Variants in CAMK2G observed in about 807,000 individuals in gnomAD.
CAMK2G encodes calcium/calmodulin-dependent protein kinase type II subunit gamma.
A neutral mutation model predicts 88.7 loss-of-function variants in CAMK2G; 23 were observed. The ratio of observed to expected loss-of-function variants is 0.26; its 90% CI spans 0.19 to 0.37. The LOEUF (loss-of-function observed/expected upper bound fraction) is 0.37. CAMK2G is among the 10% of genes least tolerant of loss of function. CAMK2G has a pLI of 1.00. For synonymous variants in CAMK2G, 263 were observed against 294.8 expected, an observed-to-expected ratio of 0.89 and a Z score of 1.11; for missense variants, 476 against 780.8, an observed-to-expected ratio of 0.61 and a Z score of 4.65.
chr10:73,820,408 T>C (rs1288597962), intron 18 of CAMK2G, among the ~76,000 whole-genome samples: 1 of 148,894 alleles, frequency 6.7e-6, no homozygotes, highest in African/African-American at 2.5e-5. Flanking sequence ...GCCAAAATCT[T>C]AGGACTAGAG....
At chr10:73,818,572 C>G in intron 19 of CAMK2G, 1 of 405,232 alleles carries the variant, frequency 2.5e-6, no homozygotes, top group East Asian at 7.1e-5. Flanking sequence ...CCCAGCCGGG[C>G]CAGCACAGCC....
intron 15 of CAMK2G, among the ~76,000 whole-genome samples, chr10:73,827,130 T>C (rs1279413488): frequency 6.6e-6 from 1 of 152,214 alleles, no homozygotes; most frequent in African/African-American, 2.4e-5. Context: ...GGGCAAGGAC[T>C]CCAGGGTGCC....
intron 14 of CAMK2G, 86 bp from the exon 15 acceptor site, chr10:73,828,207 G>A (rs746243430): frequency 9.1e-7 from 1 of 1,101,632 alleles, no homozygotes; most frequent in Non-Finnish European, 1.4e-6. Context: ...TAGCGCACCA[G>A]TGTGGGCTCT....
chr10:73,845,406 C>T (rs1480645688), intron 10 of CAMK2G, among the ~76,000 whole-genome samples: 1 of 151,922 alleles, frequency 6.6e-6, no homozygotes, highest in Non-Finnish European at 1.5e-5. Context: ...CACGGTGAAA[C>T]CCCATCTCTA....
At chr10:73,816,792 C>G in intron 21 of CAMK2G, 1 of 1,500,384 alleles carries the variant, frequency 6.7e-7, no homozygotes, top group Non-Finnish European at 8.9e-7. Flanking sequence ...GTGACTGGCA[C>G]TGCCACAAAG....
At position 73,819,542 on chromosome 10, in the gene CAMK2G, G is replaced by A; in HGVS notation, c.1353C>T (p.Cys451=). ...CTCCCTCACACTTACTGGCTGAGGAGCAGAGAGAAGGCTGGGGCTGCATGC... is the reference window on the plus strand; with the variant it reads ...CTCCCTCACACTTACTGGCTGAGGAACAGAGAGAAGGCTGGGGCTGCATGC... ...SAGMQPQPSL[C]SSAMRKQEII... The change falls in exon 19 of 23, where the codon TGC becomes TGT. Residue 451 remains cysteine (C), a synonymous_variant. Transcript: ENST00000423381. 6.5e-7 allele frequency: 1 copy of A among 1,548,464 alleles called. No individual in the cohort carries two copies. Among genetic ancestry groups the A allele is most frequent in the Non-Finnish European group, 8.7e-7 (1 of 1,145,570 alleles).
chr10:73,834,391 A>C (rs1156548778), intron 14 of CAMK2G, among the ~76,000 whole-genome samples: 1 of 152,210 alleles, frequency 6.6e-6, no homozygotes, highest in African/African-American at 2.4e-5. Flanking sequence ...TGTGGCATAA[A>C]ACTCATTTAC....
rs534965010 is a variant in CAMK2G, at chr10:73,842,415, G to A, written c.903+43C>T. The A allele has an allele frequency of 3.1e-5, 44 of 1,426,708 alleles. No homozygotes were observed. In the South Asian group the frequency reaches 4.6e-4, roughly 15 times the overall value. 88.4% of individuals were successfully genotyped at this position (1,426,708 alleles called of 1,614,324 possible). ...TGGGGCAGGAGCCACACTGGTGCAA[G>A]GCATGATGTCAAGGAGGCTGGCAGC... On this transcript the variant is annotated intron_variant, in intron 11 of 22. Coordinates refer to ENST00000423381, the MANE Select transcript of CAMK2G (RefSeq NM_001367534.1). The surrounding 1 kb of genome is among the most constrained non-coding windows in gnomAD (Gnocchi z 4.6).
At chr10:73,825,882 G>A (rs1028733508) in intron 15 of CAMK2G, among the ~76,000 whole-genome samples, 3 of 152,226 alleles carry the variant, frequency 2.0e-5, no homozygotes, top group Admixed American at 6.5e-5. Flanking sequence ...GAGGATGGGG[G>A]TGGAAGTCCC....
intron 1 of CAMK2G, among the ~76,000 whole-genome samples, chr10:73,874,031 A>C (rs979900084): frequency 7.5e-6 from 1 of 133,432 alleles, no homozygotes; most frequent in Non-Finnish European, 1.6e-5. Flanking sequence ...CCTGAGTGCG[A>C]GGCGCGTGGG....
chr10:73,859,684 T>C (rs967418147), intron 3 of CAMK2G, among the ~76,000 whole-genome samples: 1 of 152,190 alleles, frequency 6.6e-6, no homozygotes, highest in Non-Finnish European at 1.5e-5. Context: ...GCCACACCAA[T>C]CTGCTTCGGG....
chr10:73,838,898 C>T (rs1332785412), intron 13 of CAMK2G, among the ~76,000 whole-genome samples: 1 of 152,202 alleles, frequency 6.6e-6, no homozygotes, highest in South Asian at 2.1e-4. Flanking sequence ...TACGAGCTCC[C>T]AGGTAACAGC....
intron 18 of CAMK2G, 23 bp downstream of exon 18, chr10:73,821,659 C>T (rs2088829772): frequency 6.3e-7 from 1 of 1,596,332 alleles, no homozygotes; most frequent in African/African-American, 1.3e-5. Flanking sequence ...GGAGTCCTTC[C>T]CCCTCCAAGG....
intron 15 of CAMK2G, among the ~76,000 whole-genome samples, chr10:73,827,714 A>G (rs1237475215): frequency 6.6e-6 from 1 of 152,196 alleles, no homozygotes; most frequent in Non-Finnish European, 1.5e-5. Flanking sequence ...GTTGCCCTCC[A>G]GCTGCCAGTC....
intron 2 of CAMK2G, among the ~76,000 whole-genome samples, chr10:73,868,035 C>G (rs919217074): frequency 2.6e-5 from 4 of 152,198 alleles, no homozygotes; most frequent in African/African-American, 9.7e-5. Context: ...TCAAGAGGTG[C>G]AAAGTGCCCA....
chr10:73,847,893 G>C, intron 9 of CAMK2G, 95 bp downstream of exon 9: 1 of 751,618 alleles, frequency 1.3e-6, no homozygotes. Flanking sequence ...CCCGTATCAC[G>C]TGACACACTA....
At chr10:73,835,327 A>T (rs2093065099) in intron 14 of CAMK2G, among the ~76,000 whole-genome samples, 1 of 149,186 alleles carries the variant, frequency 6.7e-6, no homozygotes, top group South Asian at 2.1e-4. Context: ...GCAGGGTTTC[A>T]CTGTCACCCA....
chr10:73,849,278 C>T lies in CAMK2G; in HGVS notation c.397G>A (p.Val133Ile). Residue 133 changes from valine (V) to isoleucine (I), a missense_variant, in exon 6 of 23, where the codon GTC becomes ATC. By Grantham distance (29) the Val-to-Ile change is conservative. This residue lies in a region of CAMK2G where 164 missense variants were observed against 385.6 expected (regional missense o/e 0.43). Transcript: ENST00000423381. ...GGTAGTACCTTCAGGTCCCTGTGGA[C>T]GATGTCATGCTGGTGGATGTGGTTA... ...SVNHIHQHDIVHRDLKPENLL... is the reference protein window; with the variant it reads ...SVNHIHQHDIIHRDLKPENLL... 7 of 1,613,448 alleles carry T rather than the reference C, an allele frequency of 4.3e-6. No homozygotes were observed. The East Asian group carries it at 6.7e-5, about 15-fold the overall frequency.
chr10:73,823,696 T>A (rs2089942440), intron 17 of CAMK2G, among the ~76,000 whole-genome samples: 1 of 152,136 alleles, frequency 6.6e-6, no homozygotes, highest in Non-Finnish European at 1.5e-5. Context: ...TGGAGAACGC[T>A]CCAGGGTCTG....
Sources: gnomAD v4.1 joint callset for allele counts (sites outside exome capture counted in the v4.1 genomes callset) on GRCh38, gnomAD v4.1.1 for gene constraint, gnomAD v4.1.1 regional missense constraint, Gnocchi (gnomAD v3.1) non-coding constraint, MANE v1.5 for transcripts, NCBI Gene and HGNC (gene_info 2026-07-23, HGNC 2026-07-21) for gene names.